The following FBXL2 variants were observed in gnomAD, a reference collection of about 807,000 sequenced individuals.
The protein encoded by FBXL2 is F-box and leucine rich repeat protein 2, also known as F-box/LRR-repeat protein 2.
In FBXL2, 38 loss-of-function variants were observed where a neutral mutation model predicts 69.2. That is an observed-to-expected ratio of 0.55 (90% CI 0.42 to 0.72). FBXL2 has a LOEUF of 0.72. Ranked by LOEUF, FBXL2 falls within the 30% of genes least tolerant of loss-of-function variation. The probability of loss-of-function intolerance (pLI) is 0.00; values close to 1 mark genes in which losing one functional copy is unlikely to be tolerated. For synonymous variants in FBXL2, 192 were observed against 201.3 expected (o/e 0.95, Z 0.39); for missense variants, 354 against 520.3 (o/e 0.68, Z 3.11).
chr3:33,350,323 G>C (rs562326710), intron 2 of FBXL2, among the ~76,000 whole-genome samples: 1 of 152,060 alleles, frequency 6.6e-6, no homozygotes, highest in African/African-American at 2.4e-5. Flanking sequence ...AAAAATATTT[G>C]GCAAATTGTG....
chr3:33,373,459 C>T (rs2042427463), intron 7 of FBXL2, 104 bp downstream of exon 7: 2 of 1,529,914 alleles, frequency 1.3e-6, no homozygotes, highest in Non-Finnish European at 1.8e-6. Context: ...TAGGTGACTC[C>T]AAGAGGTCCC....
intron 2 of FBXL2, among the ~76,000 whole-genome samples, chr3:33,323,927 T>C (rs2125804776): frequency 6.6e-6 from 1 of 152,324 alleles, no homozygotes; most frequent in Admixed American, 6.5e-5. Flanking sequence ...CTACCAACAG[T>C]GTAAGAGCGT....
At chr3:33,352,802 A>T (rs2040914675) in intron 2 of FBXL2, among the ~76,000 whole-genome samples, 1 of 152,128 alleles carries the variant, frequency 6.6e-6, no homozygotes, top group African/African-American at 2.4e-5. Flanking sequence ...AGGCTGAGGC[A>T]GAGAATTGCT....
chr3:33,385,492 T>C lies in FBXL2; in HGVS notation c.1165-9T>C. On this transcript the variant is annotated splice_polypyrimidine_tract_variant and intron_variant, in intron 14 of 14. Transcript: ENST00000484457. ...TGTAAAGACTCCACTTTTTTCTTCA[T>C]CCTTCCAGGCTCAGCTCCCTCATGT... 6.2e-7 allele frequency: 1 copy of C among 1,613,074 alleles called. No homozygotes were observed. The highest frequency in any genetic ancestry group is 2.2e-5 in the East Asian group (1 of 44,868).
At chr3:33,303,046 G>C (rs1371911978) in intron 2 of FBXL2, 1 of 456,496 alleles carries the variant, frequency 2.2e-6, no homozygotes, top group African/African-American at 2.0e-5. Flanking sequence ...TCATTGAGTA[G>C]GTCTTGTTGC....
At chr3:33,390,027 GGC>G, downstream of FBXL2, 1 of 352,766 alleles carries the variant, frequency 2.8e-6, no homozygotes, top group East Asian at 4.3e-5. Context: ...AGACAGCAAA[GGC>G]TGCTTCTAGG....
At chr3:33,397,099 A>G in intron 12 of FBXL2, 1 of 1,602,670 alleles carries the variant, frequency 6.2e-7, no homozygotes. Flanking sequence ...ACAAATTTGA[A>G]CTAAATCCTC....
intron 5 of FBXL2, among the ~76,000 whole-genome samples, chr3:33,370,344 G>C (rs1254756245): frequency 6.6e-6 from 1 of 151,936 alleles, no homozygotes; most frequent in Non-Finnish European, 1.5e-5. Flanking sequence ...CGTGAACCCG[G>C]GAGGCGGAGC....
chr3:33,326,769 G>T (rs765854617), intron 2 of FBXL2, among the ~76,000 whole-genome samples: 1 of 152,150 alleles, frequency 6.6e-6, no homozygotes. Context: ...TTTCACAAAA[G>T]AATTGAGGCT....
At chr3:33,406,093 C>T (rs1021254489), downstream of FBXL2, among the ~76,000 whole-genome samples, 9 of 152,150 alleles carry the variant, frequency 5.9e-5, no homozygotes, top group African/African-American at 2.2e-4. Flanking sequence ...ACATTTTACA[C>T]AACAATGCCC....
chr3:33,367,775 G>T (rs1440539886), intron 5 of FBXL2, among the ~76,000 whole-genome samples: 1 of 151,038 alleles, frequency 6.6e-6, no homozygotes, highest in African/African-American at 2.4e-5. Flanking sequence ...TTTTGTTTTT[G>T]TTTTTTCTCT....
At chr3:33,394,053 GT>G (rs2043870796) in intron 12 of FBXL2, among the ~76,000 whole-genome samples, 8 of 151,542 alleles carry the variant, frequency 5.3e-5, no homozygotes, top group Non-Finnish European at 1.2e-4. Context: ...GTCCTTTTTT[GT>G]TGCCCAGGCT....
Position 33,384,219 on chromosome 3 carries a change from G to A in FBXL2, c.1164+18G>A. ...GGATGCGGGTAGGTATGGGGCAGGG[G>A]AGTCAGTCACACCTGACATTTCTAA... On this transcript the variant is annotated intron_variant, in intron 14 of 14. Coordinates refer to ENST00000484457, the MANE Select transcript of FBXL2 (RefSeq NM_012157.5). The A allele has an allele frequency of 6.2e-7, 1 of 1,610,644 alleles. No individual in the cohort carries two copies. The highest frequency in any genetic ancestry group is 1.7e-4 in the Middle Eastern group (1 of 6,050).
downstream of FBXL2, chr3:33,392,569 C>A: frequency 6.2e-7 from 1 of 1,611,366 alleles, no homozygotes; most frequent in Admixed American, 1.7e-5. Flanking sequence ...GTACCTTTTA[C>A]TGTGGAGAAT....
chr3:33,305,533 A>G (rs1415583947), intron 2 of FBXL2, among the ~76,000 whole-genome samples: 2 of 151,694 alleles, frequency 1.3e-5, no homozygotes, highest in African/African-American at 4.8e-5. Context: ...TACTATCTTT[A>G]TCTGATTTTT....
chr3:33,297,025 C>T (rs79496062), intron 1 of FBXL2, among the ~76,000 whole-genome samples: 14,355 of 152,188 alleles, frequency 0.094, 692 homozygotes, highest in African/African-American at 0.11. Flanking sequence ...AGTTCATGAA[C>T]ATGGATGTCT....
At chr3:33,345,707 A>G (rs1484237198) in intron 2 of FBXL2, among the ~76,000 whole-genome samples, 1 of 152,242 alleles carries the variant, frequency 6.6e-6, no homozygotes, top group Admixed American at 6.5e-5. Context: ...CCTACAGACC[A>G]CAATGAGTTA....
chr3:33,299,507 C>T (rs2036073359), intron 2 of FBXL2, among the ~76,000 whole-genome samples: 1 of 152,124 alleles, frequency 6.6e-6, no homozygotes, highest in South Asian at 2.1e-4. Context: ...CATCTCTTCC[C>T]AAGTTCACCA....
chr3:33,322,677 G>A (rs968390944), intron 2 of FBXL2, among the ~76,000 whole-genome samples: 1 of 152,158 alleles, frequency 6.6e-6, no homozygotes, highest in African/African-American at 2.4e-5. Flanking sequence ...GAAGTCATGA[G>A]CATGTATATT....
Sources: gnomAD v4.1 joint callset for allele counts (sites outside exome capture counted in the v4.1 genomes callset) on GRCh38, gnomAD v4.1.1 for gene constraint, MANE v1.5 for transcripts, NCBI Gene and HGNC (gene_info 2026-07-23, HGNC 2026-07-21) for gene names.